Variants in MAGI1 observed in about 807,000 individuals in gnomAD.
The protein encoded by MAGI1 is membrane associated guanylate kinase, WW and PDZ domain containing 1.
A neutral mutation model predicts 139.9 loss-of-function variants in MAGI1; 58 were observed. That is an observed-to-expected ratio of 0.41 (90% CI 0.34 to 0.52). The LOEUF is 0.52. MAGI1 is among the 20% of genes least tolerant of loss of function. The pLI is 0.12. For missense variants in MAGI1, 1,874 were observed against 1,901.6 expected, an observed-to-expected ratio of 0.99 and a Z score of 0.27; for synonymous variants, 812 against 737.9, an observed-to-expected ratio of 1.10 and a Z score of -1.63.
chr3:65,471,255 G>A (rs554422457), intron 4 of MAGI1, among the ~76,000 whole-genome samples: 4 of 152,080 alleles, frequency 2.6e-5, no homozygotes, highest in African/African-American at 7.2e-5. Flanking sequence ...AAGTATCCCC[G>A]AATGGCATTA....
At chr3:65,460,648 C>T (rs1382234278) in intron 5 of MAGI1, among the ~76,000 whole-genome samples, 2 of 152,108 alleles carry the variant, frequency 1.3e-5, no homozygotes, top group African/African-American at 4.8e-5. Flanking sequence ...CTGCACCCAT[C>T]AACCTGTCAT....
intron 1 of MAGI1, among the ~76,000 whole-genome samples, chr3:65,931,487 G>A (rs553568993): frequency 3.9e-5 from 6 of 152,246 alleles, no homozygotes; most frequent in East Asian, 3.9e-4. Context: ...GCAACATGGC[G>A]AAGCCCTGTG....
At position 65,930,315 on chromosome 3, in the gene MAGI1, C is replaced by CAAAAAAAAAAAAAAA. The variant is rs58258730; in HGVS notation, c.313+107666_313+107680dup. On this transcript the variant is annotated intron_variant, in intron 1 of 22. Transcript: ENST00000402939. The stretch of plus-strand genomic sequence containing the variant: ...TGGGCGAAAGAGCAAGACTCCGTCT[C>CAAAAAAAAAAAAAAA]AAAAAAAAAAAAAAAAAAAAAAAAA... 7.0e-4 allele frequency among the ~76,000 whole-genome samples: 61 copies of CAAAAAAAAAAAAAAA among 87,624 alleles called. 1 individual carries two copies. The highest frequency in any genetic ancestry group is 1.1e-3 in the Non-Finnish European group (48 of 44,192). 57.5% of individuals were successfully genotyped at this position (87,624 alleles called of 152,430 possible).
intron 6 of MAGI1, chr3:65,452,882 T>A (rs1483987721): frequency 5.7e-6 from 1 of 176,560 alleles, no homozygotes; most frequent in Admixed American, 5.6e-5. Flanking sequence ...CCCCTAAGAC[T>A]TTTATAAGAT....
chr3:65,678,371 T>A (rs985659754), intron 1 of MAGI1, among the ~76,000 whole-genome samples: 3 of 132,900 alleles, frequency 2.3e-5, no homozygotes, highest in Non-Finnish European at 4.9e-5. Context: ...AAAAAAAAAA[T>A]TAGCTGCTTA....
At chr3:65,888,969 G>A (rs1041056257) in intron 1 of MAGI1, among the ~76,000 whole-genome samples, 1 of 152,158 alleles carries the variant, frequency 6.6e-6, no homozygotes, top group Non-Finnish European at 1.5e-5. Context: ...ATTTATATAT[G>A]TGTGTATGTA....
intron 1 of MAGI1, among the ~76,000 whole-genome samples, chr3:65,647,048 A>G (rs746821166): frequency 2.6e-5 from 4 of 152,178 alleles, no homozygotes; most frequent in Non-Finnish European, 5.9e-5. Flanking sequence ...AATCAATGAA[A>G]GTAAAAACAG....
rs528755883 is a variant in MAGI1 at position 65,692,860 on chromosome 3, G to T, written c.314-70772C>A. 1.4e-3 allele frequency among the ~76,000 whole-genome samples: 211 copies of T among 152,232 alleles called. 1 individual carries two copies. Among genetic ancestry groups the T allele is most frequent in the African/African-American group, 5.0e-3 (209 of 41,552 alleles). On this transcript the variant is annotated intron_variant, in intron 1 of 22. Coordinates refer to ENST00000402939, the MANE Select transcript of MAGI1 (RefSeq NM_001033057.2). ...GCAGACAGTCCTCACAAACAAGAAG[G>T]TATTCATCAAATGGGGTCCTAGACC...
intron 13 of MAGI1, 56 bp downstream of exon 13, chr3:65,401,383 G>T: frequency 1.4e-5 from 6 of 433,070 alleles, no homozygotes; most frequent in Middle Eastern, 6.5e-4. Flanking sequence ...CCCACCTCCA[G>T]CCCCCCACCA....
intron 2 of MAGI1, among the ~76,000 whole-genome samples, chr3:65,574,041 A>G (rs962065623): frequency 1.3e-5 from 2 of 152,006 alleles, no homozygotes; most frequent in Non-Finnish European, 2.9e-5. Flanking sequence ...CTATGTAGAA[A>G]ATCTGATAAA....
intron 1 of MAGI1, among the ~76,000 whole-genome samples, chr3:65,886,807 G>A (rs1177061154): frequency 6.6e-6 from 1 of 152,152 alleles, no homozygotes; most frequent in Non-Finnish European, 1.5e-5. Context: ...TGTGATTTGA[G>A]GTAACTGCTA....
chr3:65,863,906 T>G (rs574157694), intron 1 of MAGI1, among the ~76,000 whole-genome samples: 2,348 of 152,262 alleles, frequency 0.015, 65 homozygotes, highest in African/African-American at 0.054. Context: ...TAGAAACTGG[T>G]CCCCTCTGTT....
chr3:65,659,554 T>C (rs2086076592), intron 1 of MAGI1, among the ~76,000 whole-genome samples: 1 of 152,176 alleles, frequency 6.6e-6, no homozygotes, highest in African/African-American at 2.4e-5. Context: ...TCTCCACCTT[T>C]TTCCAGGAGT....
At chr3:65,412,739 G>C (rs1300665023) in intron 12 of MAGI1, among the ~76,000 whole-genome samples, 1 of 152,060 alleles carries the variant, frequency 6.6e-6, no homozygotes, top group South Asian at 2.1e-4. Context: ...TTGATCCTTG[G>C]TCTGTTCCTT....
At chr3:66,027,265 CAAATAAAT>C (rs201338759) in intron 1 of MAGI1, among the ~76,000 whole-genome samples, 1,574 of 69,686 alleles carry the variant, frequency 0.023, 14 homozygotes, top group East Asian at 0.081. Flanking sequence ...GACTCCGTCT[CAAATAAAT>C]AAATAAATAA....
chr3:65,918,279 T>C (rs2108717452), intron 1 of MAGI1, among the ~76,000 whole-genome samples: 2 of 152,182 alleles, frequency 1.3e-5, no homozygotes, highest in African/African-American at 4.8e-5. Context: ...TACATAACTC[T>C]CTCAGGTCAA....
chr3:65,464,342 G>A (rs986022612), intron 5 of MAGI1, among the ~76,000 whole-genome samples: 18 of 151,878 alleles, frequency 1.2e-4, no homozygotes, highest in South Asian at 2.1e-4. Flanking sequence ...GTTAATTTGA[G>A]ACTTTTCCTC....
At chr3:65,515,768 G>C (rs984145670) in intron 2 of MAGI1, among the ~76,000 whole-genome samples, 1 of 152,118 alleles carries the variant, frequency 6.6e-6, no homozygotes, top group Non-Finnish European at 1.5e-5. Flanking sequence ...GTCACTTCAG[G>C]CTTCATTGTA....
chr3:65,462,091 T>G (rs1193084338), intron 5 of MAGI1, among the ~76,000 whole-genome samples: 4 of 152,208 alleles, frequency 2.6e-5, no homozygotes, highest in Non-Finnish European at 5.9e-5. Context: ...TGATGATAGT[T>G]TCTTTTGCTG....
Sources: allele counts gnomAD v4.1 joint callset (sites outside exome capture counted in the v4.1 genomes callset), GRCh38; gene constraint gnomAD v4.1.1; transcripts MANE v1.5; gene names NCBI Gene and HGNC (gene_info 2026-07-23, HGNC 2026-07-21).